ACYP2: variants seen among roughly 807,000 people sequenced by gnomAD.
ACYP2 encodes acylphosphatase-2.
A neutral mutation model predicts 11.2 loss-of-function variants in ACYP2; 12 were observed. That is an observed-to-expected ratio of 1.08 (90% CI 0.69 to 1.74). The LOEUF is 1.74. Among genes scored for constraint, ACYP2 ranks in the 40% most tolerant of loss-of-function variants. The pLI is 0.00. For synonymous variants in ACYP2, 43 were observed against 32.2 expected (o/e 1.33, Z -1.13); for missense variants, 134 against 101.9 (o/e 1.31, Z -1.35).
chr2:54,292,729 C>T (rs917212183), intron 6 of ACYP2, among the ~76,000 whole-genome samples: 8 of 151,774 alleles, frequency 5.3e-5, no homozygotes, highest in Non-Finnish European at 4.4e-5. Flanking sequence ...TCTCTGAATT[C>T]TCCTTTGAAC....
chr2:54,111,480 G>T (rs932831067), intron 4 of ACYP2, among the ~76,000 whole-genome samples: 6 of 142,444 alleles, frequency 4.2e-5, no homozygotes, highest in Admixed American at 1.4e-4. Flanking sequence ...ATTGGACTGT[G>T]ACAAAGAAAA....
chr2:54,202,047 G>A (rs1572928562), intron 6 of ACYP2, among the ~76,000 whole-genome samples: 1 of 151,090 alleles, frequency 6.6e-6, no homozygotes, highest in South Asian at 2.1e-4. Flanking sequence ...AAGCCCTGAC[G>A]TTTAGGTATT....
At chr2:54,079,651 T>C (rs1467131341) in intron 4 of ACYP2, among the ~76,000 whole-genome samples, 2 of 152,188 alleles carry the variant, frequency 1.3e-5, no homozygotes, top group South Asian at 2.1e-4. Flanking sequence ...GTTGAGTCCA[T>C]ATCAAGTGAT....
At chr2:54,266,074 A>C (rs1376838015) in intron 6 of ACYP2, among the ~76,000 whole-genome samples, 1 of 152,242 alleles carries the variant, frequency 6.6e-6, no homozygotes, top group Admixed American at 6.5e-5. Context: ...GTAATTGCTG[A>C]CATAAGTAAC....
intron 4 of ACYP2, among the ~76,000 whole-genome samples, chr2:54,058,083 G>T (rs910153206): frequency 3.3e-5 from 5 of 152,056 alleles, no homozygotes; most frequent in Non-Finnish European, 7.4e-5. Flanking sequence ...GGGAGGTAGG[G>T]CATATGAAGC....
At chr2:54,060,400 A>T (rs1676402608) in intron 4 of ACYP2, among the ~76,000 whole-genome samples, 1 of 151,878 alleles carries the variant, frequency 6.6e-6, no homozygotes, top group South Asian at 2.1e-4. Context: ...TTCCTTTTTA[A>T]AAAATAATCA....
chr2:54,150,432 G>T (rs1572858509), intron 6 of ACYP2, among the ~76,000 whole-genome samples: 1 of 152,110 alleles, frequency 6.6e-6, no homozygotes, highest in East Asian at 1.9e-4. Context: ...TTGTTTGTTT[G>T]TTTTTTAAGA....
intron 6 of ACYP2, among the ~76,000 whole-genome samples, chr2:54,161,051 C>A (rs1298930925): frequency 1.3e-5 from 2 of 152,128 alleles, no homozygotes; most frequent in African/African-American, 4.8e-5. Context: ...TCTTGGGGTC[C>A]ACATTGAGCC....
intron 4 of ACYP2, among the ~76,000 whole-genome samples, chr2:54,089,787 A>T (rs968192427): frequency 1.3e-5 from 2 of 151,924 alleles, no homozygotes; most frequent in African/African-American, 4.8e-5. Context: ...TTTCTTTAAC[A>T]TGTTCATCAA....
chr2:54,219,823 G>GTA (rs1301867971), intron 6 of ACYP2, among the ~76,000 whole-genome samples: 7 of 126,124 alleles, frequency 5.6e-5, no homozygotes, highest in Admixed American at 1.5e-4. Flanking sequence ...GTGTATGTGT[G>GTA]TGTGTATATA....
chr2:54,038,567 A>G (rs1187177478), intron 2 of ACYP2, among the ~76,000 whole-genome samples: 1 of 151,142 alleles, frequency 6.6e-6, no homozygotes, highest in African/African-American at 2.4e-5. Flanking sequence ...AGGAACCTGA[A>G]GTGCAGAGTG....
chr2:54,218,307 T>C (rs578036279), intron 6 of ACYP2, among the ~76,000 whole-genome samples: 9 of 152,348 alleles, frequency 5.9e-5, no homozygotes, highest in African/African-American at 2.2e-4. Context: ...GATTGACCTT[T>C]CTATCCTTGT....
intron 6 of ACYP2, among the ~76,000 whole-genome samples, chr2:54,260,523 T>G (rs1687731318): frequency 1.3e-5 from 2 of 152,260 alleles, no homozygotes; most frequent in South Asian, 4.1e-4. Context: ...ATAATTATAA[T>G]AATTGATCTT....
chr2:54,271,687 C>A (rs1267126448), intron 6 of ACYP2, among the ~76,000 whole-genome samples: 1 of 152,008 alleles, frequency 6.6e-6, no homozygotes, highest in Non-Finnish European at 1.5e-5. Flanking sequence ...AACTCTTTAA[C>A]TGCAATACCA....
chr2:54,188,174 A>G (rs192944337), intron 6 of ACYP2, among the ~76,000 whole-genome samples: 22 of 152,296 alleles, frequency 1.4e-4, no homozygotes, highest in Admixed American at 9.8e-4. Context: ...CCTGGGGGAA[A>G]AGGAGTGGGA....
At chr2:54,274,458 TAGTG>T (rs1688455096) in intron 6 of ACYP2, among the ~76,000 whole-genome samples, 1 of 151,790 alleles carries the variant, frequency 6.6e-6, no homozygotes, top group East Asian at 1.9e-4. Context: ...CTGGGCAACA[TAGTG>T]AGCCCATTTC....
At chr2:54,221,225 T>C (rs1421391299) in intron 6 of ACYP2, among the ~76,000 whole-genome samples, 1 of 152,230 alleles carries the variant, frequency 6.6e-6, no homozygotes, top group African/African-American at 2.4e-5. Flanking sequence ...AGTCAAACTG[T>C]AGTCAACATA....
chr2:54,004,938 C>T (rs534592271), intron 2 of ACYP2, among the ~76,000 whole-genome samples: 126 of 150,052 alleles, frequency 8.4e-4, no homozygotes, highest in Admixed American at 2.0e-3. Context: ...AAGAAAAGAG[C>T]TCTTTGTATA....
chr2:54,288,282 A>G (rs1269737991), intron 6 of ACYP2, among the ~76,000 whole-genome samples: 2 of 152,054 alleles, frequency 1.3e-5, no homozygotes, highest in East Asian at 3.8e-4. Context: ...TGACCAAGGC[A>G]TATCCTCCAT....
Sources: allele counts gnomAD v4.1 joint callset (sites outside exome capture counted in the v4.1 genomes callset), GRCh38; gene constraint gnomAD v4.1.1; transcripts MANE v1.5; gene names NCBI Gene and HGNC (gene_info 2026-07-23, HGNC 2026-07-21).